Variants in DHDH observed in about 807,000 individuals in gnomAD.
DHDH encodes trans-1,2-dihydrobenzene-1,2-diol dehydrogenase.
Under a neutral mutation model 33.2 loss-of-function variants are expected in DHDH, and 29 were observed. The observed-to-expected ratio is 0.87, with a 90% CI of 0.65 to 1.19. The LOEUF is 1.19. Among genes scored for constraint, DHDH ranks in the 50% most tolerant of loss-of-function variants. The pLI, the probability that DHDH is intolerant of heterozygous loss-of-function variation, is 0.00. For synonymous variants in DHDH, 201 were observed against 187.9 expected (o/e 1.07, Z -0.57); for missense variants, 431 against 455.0 (o/e 0.95, Z 0.48).
chr19:48,941,569 G>A (rs561572996), intron 4 of DHDH, among the ~76,000 whole-genome samples: 2 of 152,056 alleles, frequency 1.3e-5, no homozygotes, highest in South Asian at 4.2e-4. Context: ...TTTTTGTAGA[G>A]ATGGAGTTTC....
chr19:48,935,132 G>T (rs2037753573), intron 2 of DHDH, 21 bp downstream of exon 2: 4 of 1,524,476 alleles, frequency 2.6e-6, no homozygotes, highest in Non-Finnish European at 3.5e-6. Context: ...AGGGCGATGG[G>T]GGTGCTGGCC....
intron 4 of DHDH, among the ~76,000 whole-genome samples, chr19:48,940,054 A>G (rs978537480): frequency 2.0e-5 from 3 of 152,152 alleles, no homozygotes; most frequent in Non-Finnish European, 2.9e-5. Flanking sequence ...TCTTTGCTAC[A>G]AAAAAGACTA....
Position 48,944,889 on chromosome 19 carries a change from G to A in DHDH, c.961G>A (p.Val321Met), listed in dbSNP as rs759886907. The change falls in exon 7 of 7, where the codon GTG becomes ATG. Residue 321 changes from valine (V) to methionine (M), a missense_variant. Coordinates refer to ENST00000221403, the MANE Select transcript of DHDH (RefSeq NM_014475.4). The stretch of plus-strand genomic sequence containing the variant: ...GCTCCTGGCTGACATCCTTGAAGAG[G>A]TGAGGAAGGCCATTGGAGTCACCTT... ...SELLADILEE[V>M]RKAIGVTFPQ... 8 of 1,614,012 alleles carry A rather than the reference G, an allele frequency of 5.0e-6. No homozygotes were observed. Among genetic ancestry groups the A allele is most frequent in the Non-Finnish European group, 6.8e-6 (8 of 1,180,040 alleles).
intron 3 of DHDH, among the ~76,000 whole-genome samples, chr19:48,936,891 C>G (rs954887458): frequency 1.3e-5 from 2 of 151,324 alleles, no homozygotes; most frequent in Non-Finnish European, 2.9e-5. Flanking sequence ...TAAAGCGATT[C>G]TCCTGCCTCA....
At chr19:48,939,428 T>G in intron 3 of DHDH, 21 bp from the exon 4 acceptor site, 1 of 1,603,446 alleles carries the variant, frequency 6.2e-7, no homozygotes, top group South Asian at 1.1e-5. Context: ...GTTGGTTAAC[T>G]CCTTTCCTTG....
chr19:48,939,674 T>A lies in DHDH; in HGVS notation c.592T>A (p.Ser198Thr), dbSNP rs774544584. ...VFGGQKPEKI[S>T]VVGRRHETGV... ...TGGAGGGCAGAAGCCAGAGAAGATT[T>A]CTGTCGTGGGAAGGCGTCATGAAAC... Residue 198 changes from serine (S) to threonine (T), a missense_variant, in exon 4 of 7, where the codon TCT becomes ACT. Transcript: ENST00000221403. 3.5e-5 allele frequency: 56 copies of A among 1,605,496 alleles called. No homozygotes were observed. In the South Asian group the frequency reaches 4.7e-4, roughly 14 times the overall value.
At chr19:48,937,578 A>C (rs1009144301) in intron 3 of DHDH, among the ~76,000 whole-genome samples, 2 of 151,420 alleles carry the variant, frequency 1.3e-5, no homozygotes, top group Non-Finnish European at 2.9e-5. Context: ...TTCGAGAGGC[A>C]GAGGCGGGCG....
intron 5 of DHDH, among the ~76,000 whole-genome samples, chr19:48,944,145 A>G (rs1047459184): frequency 2.0e-5 from 3 of 152,184 alleles, no homozygotes; most frequent in Admixed American, 1.3e-4. Context: ...GGAGACAGAC[A>G]GGATTTTTGT....
intron 3 of DHDH, among the ~76,000 whole-genome samples, chr19:48,936,723 A>C (rs933411080): frequency 2.6e-5 from 4 of 151,680 alleles, no homozygotes; most frequent in Admixed American, 6.6e-5. Flanking sequence ...AACAAAAAAA[A>C]AAACAAGAAA....
At chr19:48,942,862 C>T (rs2037884182) in intron 5 of DHDH, among the ~76,000 whole-genome samples, 1 of 151,350 alleles carries the variant, frequency 6.6e-6, no homozygotes, top group South Asian at 2.1e-4. Flanking sequence ...CCAGACCAGC[C>T]TGGACAACAT....
chr19:48,938,457 C>A (rs554173985), intron 3 of DHDH, among the ~76,000 whole-genome samples: 1 of 152,016 alleles, frequency 6.6e-6, no homozygotes, highest in Non-Finnish European at 1.5e-5. Flanking sequence ...TAGATGATGT[C>A]ATCTATGAAC....
At chr19:48,933,864 G>C (rs2037737523) in intron 1 of DHDH, 53 bp downstream of exon 1, 2 of 1,541,326 alleles carry the variant, frequency 1.3e-6, no homozygotes, top group Non-Finnish European at 1.8e-6. Flanking sequence ...CGGGACTCCA[G>C]AGTCTAAAGG....
intron 4 of DHDH, among the ~76,000 whole-genome samples, chr19:48,940,414 C>A (rs34420660): frequency 6.6e-6 from 1 of 151,434 alleles, no homozygotes; most frequent in Admixed American, 6.6e-5. Flanking sequence ...TTCCACTCAG[C>A]TGGAAAGTAT....
intron 4 of DHDH, among the ~76,000 whole-genome samples, chr19:48,941,029 G>C (rs1279102932): frequency 1.3e-5 from 2 of 151,728 alleles, no homozygotes; most frequent in Non-Finnish European, 2.9e-5. Flanking sequence ...ACTTCAAATA[G>C]CAATCATTTA....
intron 2 of DHDH, among the ~76,000 whole-genome samples, chr19:48,935,825 AATT>A (rs2037764973): frequency 1.3e-5 from 2 of 152,142 alleles, no homozygotes; most frequent in African/African-American, 4.8e-5. Flanking sequence ...CCAAAAAAAA[AATT>A]AATTAATTAA....
At position 48,944,455 on chromosome 19, in the gene DHDH, C is replaced by T. The variant is rs373504708; in HGVS notation, c.843C>T (p.Asn281=). The change falls in exon 6 of 7, where the codon AAC becomes AAT. Residue 281 remains asparagine (N), a synonymous_variant. Transcript: ENST00000221403. The part of the protein sequence containing the change: ...PPVPKDCNFD[N]GAGMSYEAKH... ...TCCCAAAGGACTGCAATTTTGACAA[C>T]GGGGCAGGCATGAGTTATGAGGCCA... 31 of 1,613,568 alleles carry T rather than the reference C, an allele frequency of 1.9e-5. No homozygotes were observed. The highest frequency in any genetic ancestry group is 1.2e-4 in the African/African-American group (9 of 74,930).
intron 5 of DHDH, among the ~76,000 whole-genome samples, chr19:48,943,928 G>A (rs574750065): frequency 6.6e-6 from 1 of 152,108 alleles, no homozygotes; most frequent in Non-Finnish European, 1.5e-5. Flanking sequence ...CCAGGAGGTG[G>A]AGGTTGCAGT....
chr19:48,935,756 G>A (rs1000909338), intron 2 of DHDH, among the ~76,000 whole-genome samples: 1 of 151,960 alleles, frequency 6.6e-6, no homozygotes, highest in African/African-American at 2.4e-5. Context: ...GGTGGAGCTT[G>A]CAGTGAGCCG....
upstream of DHDH, chr19:48,933,587 G>A: frequency 1.3e-6 from 1 of 771,768 alleles, no homozygotes. Flanking sequence ...CCGCTCTGCC[G>A]ACTGGAGCCA....
Sources: allele counts gnomAD v4.1 joint callset (sites outside exome capture counted in the v4.1 genomes callset), GRCh38; gene constraint gnomAD v4.1.1; transcripts MANE v1.5; gene names NCBI Gene and HGNC (gene_info 2026-07-23, HGNC 2026-07-21).